SLC49A4: variants seen among roughly 807,000 people sequenced by gnomAD.
SLC49A4 encodes the protein disrupted in renal cancer protein 2.
SLC49A4 carries 36 observed loss-of-function variants against 50.6 expected under a neutral mutation model. The ratio of observed to expected loss-of-function variants is 0.71; its 90% CI spans 0.55 to 0.94. SLC49A4 has a LOEUF of 0.94. SLC49A4 is among the 40% of genes least tolerant of loss of function. The probability of loss-of-function intolerance (pLI) is 0.00; values close to 1 mark genes in which losing one functional copy is unlikely to be tolerated. For synonymous variants in SLC49A4, 248 were observed against 241.2 expected (o/e 1.03, Z -0.26); for missense variants, 503 against 605.7 (o/e 0.83, Z 1.78).
At chr3:122,859,164 A>G (rs1291465691) in intron 6 of SLC49A4, among the ~76,000 whole-genome samples, 5 of 152,184 alleles carry the variant, frequency 3.3e-5, no homozygotes, top group African/African-American at 1.2e-4. Flanking sequence ...GGCCTTGTTG[A>G]ACTGAGACCT....
chr3:122,848,378 T>C (rs1452698347), intron 5 of SLC49A4, among the ~76,000 whole-genome samples: 1 of 152,210 alleles, frequency 6.6e-6, no homozygotes, highest in Non-Finnish European at 1.5e-5. Context: ...AATTGTGTTA[T>C]TTATACTAGT....
intron 2 of SLC49A4, among the ~76,000 whole-genome samples, chr3:122,825,765 G>A (rs1211507029): frequency 6.6e-6 from 1 of 151,990 alleles, no homozygotes; most frequent in Non-Finnish European, 1.5e-5. Context: ...CAGGGCAAGA[G>A]AGGTCGACAC....
intron 3 of SLC49A4, among the ~76,000 whole-genome samples, chr3:122,833,115 T>C (rs912116737): frequency 2.0e-5 from 3 of 151,944 alleles, no homozygotes; most frequent in Admixed American, 2.0e-4. Flanking sequence ...GTGGCATGCA[T>C]CTATGGTCCC....
At chr3:122,832,273 G>T (rs1005071850) in intron 3 of SLC49A4, among the ~76,000 whole-genome samples, 1 of 152,156 alleles carries the variant, frequency 6.6e-6, no homozygotes, top group Non-Finnish European at 1.5e-5. Context: ...TACTAGGGCT[G>T]TGCTTTTCTA....
intron 1 of SLC49A4, among the ~76,000 whole-genome samples, chr3:122,798,563 A>G (rs1361758472): frequency 6.6e-6 from 1 of 151,378 alleles, no homozygotes; most frequent in Non-Finnish European, 1.5e-5. Flanking sequence ...CTTTCCTGCT[A>G]CAGGTGTTCC....
At chr3:122,809,324 T>C (rs1936265453) in intron 2 of SLC49A4, among the ~76,000 whole-genome samples, 1 of 152,234 alleles carries the variant, frequency 6.6e-6, no homozygotes, top group Non-Finnish European at 1.5e-5. Context: ...GTATTTGAGA[T>C]GCTCTTAATT....
At chr3:122,823,009 A>G (rs900568801) in intron 2 of SLC49A4, among the ~76,000 whole-genome samples, 16 of 149,264 alleles carry the variant, frequency 1.1e-4, no homozygotes, top group Admixed American at 9.2e-4. Flanking sequence ...ACCATGCCAT[A>G]GAGTCCCTGT....
chr3:122,820,202 A>G (rs138347711), intron 2 of SLC49A4, among the ~76,000 whole-genome samples: 3 of 152,336 alleles, frequency 2.0e-5, no homozygotes, highest in Non-Finnish European at 4.4e-5. Flanking sequence ...TTAACAGAGA[A>G]CCTTCAGAAT....
intron 3 of SLC49A4, among the ~76,000 whole-genome samples, chr3:122,829,976 TA>T (rs1338633511): frequency 6.6e-6 from 1 of 152,166 alleles, no homozygotes; most frequent in Non-Finnish European, 1.5e-5. Flanking sequence ...CTATTAGATC[TA>T]AAAAAAGATT....
chr3:122,862,812 C>T (rs929406463), intron 7 of SLC49A4, among the ~76,000 whole-genome samples: 1 of 152,120 alleles, frequency 6.6e-6, no homozygotes, highest in Non-Finnish European at 1.5e-5. Flanking sequence ...AGCTTTATCT[C>T]TGGGTAGAAT....
chr3:122,848,031 CAT>C (rs1936879632), intron 5 of SLC49A4, among the ~76,000 whole-genome samples: 1 of 152,316 alleles, frequency 6.6e-6, no homozygotes, highest in African/African-American at 2.4e-5. Flanking sequence ...GGGATAGCCA[CAT>C]GAGACTAGCA....
At chr3:122,818,740 T>TC in intron 2 of SLC49A4, among the ~76,000 whole-genome samples, 1 of 151,452 alleles carries the variant, frequency 6.6e-6, no homozygotes, top group Non-Finnish European at 1.5e-5. Flanking sequence ...GGCCAGGAGT[T>TC]CAAGAGCAGC....
intron 2 of SLC49A4, among the ~76,000 whole-genome samples, chr3:122,812,216 A>G (rs756880498): frequency 3.1e-4 from 47 of 152,144 alleles, no homozygotes; most frequent in Non-Finnish European, 6.9e-4. Flanking sequence ...CAGCCTTCCA[A>G]AGTGCTGGGA....
At chr3:122,822,909 C>T (rs929873163) in intron 2 of SLC49A4, among the ~76,000 whole-genome samples, 2 of 152,126 alleles carry the variant, frequency 1.3e-5, no homozygotes, top group Non-Finnish European at 2.9e-5. Context: ...GTATCCACCC[C>T]CTCTCCTTGC....
chr3:122,812,329 A>G (rs995157965), intron 2 of SLC49A4, among the ~76,000 whole-genome samples: 1 of 152,208 alleles, frequency 6.6e-6, no homozygotes, highest in Non-Finnish European at 1.5e-5. Flanking sequence ...ATAATAGGAA[A>G]AGTAAAGAGA....
At chr3:122,872,677 A>G in intron 8 of SLC49A4, 80 bp downstream of exon 8, 1 of 1,001,986 alleles carries the variant, frequency 1.0e-6, no homozygotes, top group Non-Finnish European at 1.4e-6. Flanking sequence ...AAGTTTTTAT[A>G]TGGAGAAGTC....
At chr3:122,836,481 T>C (rs1251299641) in intron 4 of SLC49A4, among the ~76,000 whole-genome samples, 3 of 151,896 alleles carry the variant, frequency 2.0e-5, no homozygotes, top group Non-Finnish European at 4.4e-5. Context: ...CTCTGCCAGG[T>C]TTTGGTATCA....
intron 7 of SLC49A4, among the ~76,000 whole-genome samples, chr3:122,868,049 A>T (rs979552724): frequency 3.3e-5 from 5 of 152,084 alleles, no homozygotes; most frequent in Admixed American, 3.3e-4. Flanking sequence ...CAGGAGGCAG[A>T]GCTTTCAGTG....
chr3:122,872,640 A>G (rs1428042939), intron 8 of SLC49A4, 43 bp downstream of exon 8: 2 of 1,458,860 alleles, frequency 1.4e-6, no homozygotes, highest in South Asian at 2.7e-5. Flanking sequence ...ATGTGTTACA[A>G]GAAAAGTTTG....
Sources: gnomAD v4.1 joint callset for allele counts (sites outside exome capture counted in the v4.1 genomes callset) on GRCh38, gnomAD v4.1.1 for gene constraint, MANE v1.5 for transcripts, NCBI Gene and HGNC (gene_info 2026-07-23, HGNC 2026-07-21) for gene names.